The following HEATR4 variants were observed in gnomAD, a reference collection of about 807,000 sequenced individuals.
HEATR4 encodes HEAT repeat containing 4.
HEATR4 carries 95 observed loss-of-function variants against 108.8 expected under a neutral mutation model. The ratio of observed to expected loss-of-function variants is 0.87; its 90% CI spans 0.74 to 1.04. HEATR4 has a LOEUF of 1.04. Ranked by LOEUF, HEATR4 falls within the 50% of genes least tolerant of loss-of-function variation. The probability of loss-of-function intolerance (pLI) is 0.00; values close to 1 mark genes in which losing one functional copy is unlikely to be tolerated. For synonymous variants in HEATR4, 443 were observed against 459.4 expected (o/e 0.96, Z 0.46); for missense variants, 1,152 against 1,253.8 (o/e 0.92, Z 1.23).
rs1302833027 is a variant in HEATR4, at chr14:73,522,817, C to T, written c.336G>A (p.Arg112=). The stretch of plus-strand genomic sequence containing the variant: ...ACTTGAAGCTAACAGGTTTCTGAGG[C>T]CGGGCCTTCCTGATCTGGGGAGTAT... ...IIHTPQIRKA[R]PQKPVSFKFL... Residue 112 remains arginine, a synonymous_variant, in exon 3 of 18, where the codon CGG becomes CGA. Coordinates refer to ENST00000553558, the MANE Select transcript of HEATR4 (RefSeq NM_001220484.1). The T allele has an allele frequency of 3.7e-6, 6 of 1,614,058 alleles. No individual in the cohort carries two copies. In the Admixed American group the frequency reaches 6.7e-5, roughly 18 times the overall value.
the HEATR4 span, among the ~76,000 whole-genome samples, chr14:73,577,450 T>TA: frequency 7.3e-6 from 1 of 137,606 alleles, no homozygotes; most frequent in East Asian, 2.0e-4. Context: ...TGAAAACTCT[T>TA]AGAGATGATG....
intron 4 of HEATR4, among the ~76,000 whole-genome samples, chr14:73,519,422 G>A (rs760775917): frequency 2.6e-5 from 4 of 152,140 alleles, no homozygotes; most frequent in Non-Finnish European, 4.4e-5. Context: ...TTAGAGGCCT[G>A]GGAGCCAAGG....
At chr14:73,595,240 A>G in the HEATR4 span, 1 of 1,614,226 alleles carries the variant, frequency 6.2e-7, no homozygotes, top group South Asian at 1.1e-5. Flanking sequence ...GAATCAAGGT[A>G]GCTTTCTCAG....
chr14:73,612,648 T>C, the HEATR4 span: 2 of 1,406,308 alleles, frequency 1.4e-6, no homozygotes, highest in Non-Finnish European at 1.8e-6. Flanking sequence ...GTGCGCGGCC[T>C]GGCCCCGGAG....
At chr14:73,580,398 C>A in the HEATR4 span, among the ~76,000 whole-genome samples, 7 of 151,990 alleles carry the variant, frequency 4.6e-5, no homozygotes, top group African/African-American at 1.4e-4. Context: ...TGCAGCTGCT[C>A]GCCACTTGTA....
rs1179062897 is a variant in HEATR4, at chr14:73,546,126, C to T, written c.-152+12625G>A. On this transcript the variant is annotated intron_variant, in intron 1 of 17. Coordinates refer to ENST00000553558, the MANE Select transcript of HEATR4 (RefSeq NM_001220484.1). ...CCTCCCAAGTAGCTGGGATTACAGG[C>T]GCCCACCACCACACCCAGCTAAATT... is the stretch of plus-strand genomic sequence containing the variant. 5.4e-5 allele frequency among the ~76,000 whole-genome samples: 6 copies of T among 111,978 alleles called. 2 individuals carry two copies. Among genetic ancestry groups the T allele is most frequent in the African/African-American group, 1.7e-4 (6 of 34,526 alleles). 73.5% of individuals were successfully genotyped at this position (111,978 alleles called of 152,430 possible).
chr14:73,600,857 G>A, the HEATR4 span, among the ~76,000 whole-genome samples: 801 of 152,180 alleles, frequency 5.3e-3, 8 homozygotes, highest in African/African-American at 0.018. Flanking sequence ...AGAACTTCTC[G>A]GCCAGGCGTG....
At chr14:73,564,234 G>A in the HEATR4 span, among the ~76,000 whole-genome samples, 2 of 151,484 alleles carry the variant, frequency 1.3e-5, no homozygotes, top group South Asian at 2.1e-4. Context: ...GGAGCCAGAG[G>A]TTGCAGTGAG....
intron 16 of HEATR4, chr14:73,493,471 A>G (rs1171649474): frequency 3.7e-5 from 9 of 243,670 alleles, no homozygotes; most frequent in African/African-American, 7.0e-5. Flanking sequence ...GGGAAAATCT[A>G]TAATGGCTGA....
At chr14:73,617,328 G>A in the HEATR4 span, 1 of 1,242,810 alleles carries the variant, frequency 8.0e-7, no homozygotes, top group Non-Finnish European at 1.2e-6. Flanking sequence ...GGTTACTAGG[G>A]TGGAAGCTGG....
chr14:73,534,705 C>CAAAT (rs1888806659), intron 1 of HEATR4, among the ~76,000 whole-genome samples: 1 of 113,422 alleles, frequency 8.8e-6, no homozygotes, highest in African/African-American at 2.9e-5. Flanking sequence ...AACAAACAAG[C>CAAAT]AAATAAACAA....
At chr14:73,566,942 T>C in the HEATR4 span, among the ~76,000 whole-genome samples, 1 of 152,122 alleles carries the variant, frequency 6.6e-6, no homozygotes, top group South Asian at 2.1e-4. Context: ...CAGCTGGGAC[T>C]ACAGGTGCCT....
chr14:73,479,857 G>A (rs1885178086), intron 17 of HEATR4, among the ~76,000 whole-genome samples: 1 of 152,078 alleles, frequency 6.6e-6, no homozygotes, highest in African/African-American at 2.4e-5. Context: ...TTACAGGCGT[G>A]AGCCACCATG....
the HEATR4 span, among the ~76,000 whole-genome samples, chr14:73,587,692 C>T: frequency 6.6e-6 from 1 of 152,126 alleles, no homozygotes; most frequent in Admixed American, 6.6e-5. Flanking sequence ...ATACTTATTA[C>T]TATTCTGATT....
At chr14:73,486,273 C>A in intron 17 of HEATR4, among the ~76,000 whole-genome samples, 1 of 152,174 alleles carries the variant, frequency 6.6e-6, no homozygotes, top group Non-Finnish European at 1.5e-5. Flanking sequence ...GCTAAATGAC[C>A]CCTGGGGGTG....
the HEATR4 span, chr14:73,569,962 A>C: frequency 3.4e-6 from 5 of 1,489,240 alleles, no homozygotes; most frequent in Non-Finnish European, 4.5e-6. Context: ...CTTTTCGCTT[A>C]TGTGTATGCC....
the HEATR4 span, among the ~76,000 whole-genome samples, chr14:73,594,070 T>C: frequency 6.6e-6 from 1 of 152,238 alleles, no homozygotes; most frequent in Non-Finnish European, 1.5e-5. Context: ...TCAGATGAAT[T>C]TGTGATATAG....
At chr14:73,504,286 A>C (rs2140267609) in intron 10 of HEATR4, among the ~76,000 whole-genome samples, 1 of 147,966 alleles carries the variant, frequency 6.8e-6, no homozygotes, top group South Asian at 2.1e-4. Flanking sequence ...TCTGTTGCCC[A>C]GGCTGGGGCG....
intron 10 of HEATR4, among the ~76,000 whole-genome samples, chr14:73,503,862 A>G (rs1172080679): frequency 6.6e-6 from 1 of 152,130 alleles, no homozygotes. Context: ...ACTCATAGAC[A>G]TACTGCCTTT....
Sources: allele counts gnomAD v4.1 joint callset (sites outside exome capture counted in the v4.1 genomes callset), GRCh38; gene constraint gnomAD v4.1.1; transcripts MANE v1.5; gene names NCBI Gene and HGNC (gene_info 2026-07-23, HGNC 2026-07-21).